ANTXR1: variants seen among roughly 807,000 people sequenced by gnomAD.
ANTXR1 encodes ANTXR cell adhesion molecule 1, also known as anthrax toxin receptor 1.
ANTXR1 carries 19 observed loss-of-function variants against 78.1 expected under a neutral mutation model. The observed-to-expected ratio is 0.24, with a 90% CI of 0.17 to 0.36. ANTXR1 has a LOEUF of 0.36. Among genes scored for constraint, ANTXR1 ranks in the 10% least tolerant of loss-of-function variants. The pLI is 1.00. For synonymous variants in ANTXR1, 273 were observed against 260.5 expected (o/e 1.05, Z -0.46); for missense variants, 518 against 718.6 (o/e 0.72, Z 3.19).
At chr2:69,162,052 C>T (rs1435198301) in intron 13 of ANTXR1, among the ~76,000 whole-genome samples, 1 of 152,002 alleles carries the variant, frequency 6.6e-6, no homozygotes, top group Non-Finnish European at 1.5e-5. Flanking sequence ...TATTGACTGA[C>T]AATGCAGCAG....
At chr2:69,148,049 T>C (rs1323968871) in intron 12 of ANTXR1, among the ~76,000 whole-genome samples, 1 of 152,212 alleles carries the variant, frequency 6.6e-6, no homozygotes, top group Non-Finnish European at 1.5e-5. Context: ...GGGTCTTCTA[T>C]TCTGAATCTT....
intron 8 of ANTXR1, among the ~76,000 whole-genome samples, chr2:69,085,213 T>C (rs1399296204): frequency 6.6e-6 from 1 of 152,174 alleles, no homozygotes; most frequent in Admixed American, 6.5e-5. Flanking sequence ...ATAATGTTTG[T>C]GGCGCTTCTG....
At chr2:69,156,894 C>T (rs951253847) in intron 13 of ANTXR1, among the ~76,000 whole-genome samples, 24 of 152,212 alleles carry the variant, frequency 1.6e-4, no homozygotes, top group African/African-American at 5.5e-4. Flanking sequence ...CACAACTCGA[C>T]GTGAGATTTG....
At chr2:69,168,113 A>G (rs1359399570) in intron 13 of ANTXR1, among the ~76,000 whole-genome samples, 3 of 152,210 alleles carry the variant, frequency 2.0e-5, no homozygotes, top group Non-Finnish European at 4.4e-5. Context: ...TGTCTCACTC[A>G]GTTCATGAAA....
chr2:69,165,355 A>T (rs1183610901), intron 13 of ANTXR1, among the ~76,000 whole-genome samples: 1 of 152,264 alleles, frequency 6.6e-6, no homozygotes, highest in Non-Finnish European at 1.5e-5. Flanking sequence ...CATTCAGCTC[A>T]TGCAAAAAGG....
intron 3 of ANTXR1, among the ~76,000 whole-genome samples, chr2:69,059,916 T>C (rs551613340): frequency 6.6e-6 from 1 of 152,186 alleles, no homozygotes; most frequent in Non-Finnish European, 1.5e-5. Flanking sequence ...GATGGTGCCA[T>C]AGAAAACCAC....
rs1674759075 is a variant in ANTXR1, at chr2:69,200,929, G to A, written c.1434+7514G>A. On this transcript the variant is annotated intron_variant, in intron 17 of 17. Transcript: ENST00000303714. Reference sequence around the variant, plus strand: ...CTAACTTTTCCAAGGACACACAGCTGGTAAGGAGGTCTGGGGCTTGAATTT... The same window carrying A: ...CTAACTTTTCCAAGGACACACAGCTAGTAAGGAGGTCTGGGGCTTGAATTT... Among the ~76,000 whole-genome samples, 3 of 152,238 alleles carry A rather than the reference G, an allele frequency of 2.0e-5. No individual in the cohort carries two copies. The South Asian group carries it at 6.2e-4, about 32-fold the overall frequency.
chr2:69,153,659 T>C (rs904061541), intron 13 of ANTXR1, among the ~76,000 whole-genome samples: 5 of 152,218 alleles, frequency 3.3e-5, no homozygotes, highest in African/African-American at 1.2e-4. Context: ...CCCAAGTGCT[T>C]TCTATGGAGA....
At position 69,099,024 on chromosome 2, in the gene ANTXR1, C is replaced by T. The variant is rs555660046; in HGVS notation, c.704-3818C>T. ...CAATTCAGTGGTTTTTAATGTATCA[C>T]AAAGTTGTACAACTATAATAACTAT... On this transcript the variant is annotated intron_variant, in intron 9 of 17. Coordinates refer to ENST00000303714, the MANE Select transcript of ANTXR1 (RefSeq NM_032208.3). Among the ~76,000 whole-genome samples the T allele has an allele frequency of 6.0e-4, 91 of 151,926 alleles. No individual in the cohort carries two copies. The South Asian group carries it at 9.8e-3, about 16-fold the overall frequency.
intron 10 of ANTXR1, among the ~76,000 whole-genome samples, chr2:69,117,120 G>C (rs62133515): frequency 0.066 from 10,047 of 152,230 alleles, 416 homozygotes; most frequent in South Asian, 0.099. Flanking sequence ...TTCATCCCTA[G>C]ACCCCTCTCC....
At chr2:69,016,457 A>AT (rs1671028769) in intron 1 of ANTXR1, among the ~76,000 whole-genome samples, 1 of 152,142 alleles carries the variant, frequency 6.6e-6, no homozygotes, top group African/African-American at 2.4e-5. Context: ...GCTGTTTATA[A>AT]TAAAAAGCTG....
intron 13 of ANTXR1, among the ~76,000 whole-genome samples, chr2:69,158,519 A>C (rs963604183): frequency 6.6e-6 from 1 of 152,086 alleles, no homozygotes; most frequent in East Asian, 1.9e-4. Flanking sequence ...TATATCTCTC[A>C]CTGTACAGAC....
intron 17 of ANTXR1, among the ~76,000 whole-genome samples, chr2:69,223,262 A>G (rs1398677676): frequency 6.6e-6 from 1 of 152,240 alleles, no homozygotes. Flanking sequence ...GACCAAAGGA[A>G]ATGCCATGCC....
intron 17 of ANTXR1, among the ~76,000 whole-genome samples, chr2:69,197,821 T>C (rs930277579): frequency 1.3e-5 from 2 of 152,216 alleles, no homozygotes; most frequent in African/African-American, 4.8e-5. Flanking sequence ...TGAAGGAATT[T>C]AGAATGTTCT....
chr2:69,104,843 G>A (rs1431455913), intron 10 of ANTXR1, among the ~76,000 whole-genome samples: 1 of 152,200 alleles, frequency 6.6e-6, no homozygotes, highest in Non-Finnish European at 1.5e-5. Flanking sequence ...CAGCACTTTG[G>A]GAGGCTGAGG....
At chr2:69,172,257 C>T (rs1019390262) in intron 14 of ANTXR1, 1 of 839,056 alleles carries the variant, frequency 1.2e-6, no homozygotes, top group Non-Finnish European at 2.0e-6. Context: ...AAAATTTAAA[C>T]ATTGTACTTT....
At chr2:69,228,048 C>T (rs1675501501) in intron 17 of ANTXR1, among the ~76,000 whole-genome samples, 1 of 152,180 alleles carries the variant, frequency 6.6e-6, no homozygotes, top group Non-Finnish European at 1.5e-5. Flanking sequence ...CAATCTCTGT[C>T]ACAGTATATT....
chr2:69,119,675 C>G (rs1672281000), intron 10 of ANTXR1, among the ~76,000 whole-genome samples: 1 of 150,224 alleles, frequency 6.7e-6, no homozygotes, highest in Non-Finnish European at 1.5e-5. Context: ...CCTGCCCTGC[C>G]TTAACTCACG....
chr2:69,102,768 C>A, intron 9 of ANTXR1, 74 bp from the exon 10 acceptor site: 3 of 1,403,252 alleles, frequency 2.1e-6, no homozygotes, highest in Non-Finnish European at 3.0e-6. Flanking sequence ...TGAACAAATG[C>A]TCTAAATCAG....
Sources: gnomAD v4.1 joint callset for allele counts (sites outside exome capture counted in the v4.1 genomes callset) on GRCh38, gnomAD v4.1.1 for gene constraint, MANE v1.5 for transcripts, NCBI Gene and HGNC (gene_info 2026-07-23, HGNC 2026-07-21) for gene names.